MN1: variants seen among roughly 807,000 people sequenced by gnomAD.
MN1 encodes the protein transcriptional activator MN1.
A neutral mutation model predicts 86.9 loss-of-function variants in MN1; 19 were observed. The observed-to-expected ratio is 0.22, with a 90% CI of 0.15 to 0.32. MN1 has a LOEUF of 0.32. MN1 is among the 10% of genes least tolerant of loss of function. The pLI is 1.00. For missense variants in MN1, 1,841 were observed against 1,862.0 expected, an observed-to-expected ratio of 0.99 and a Z score of 0.21; for synonymous variants, 928 against 849.6, an observed-to-expected ratio of 1.09 and a Z score of -1.60.
intron 1 of MN1, among the ~76,000 whole-genome samples, chr22:27,790,183 A>G (rs1933191501): frequency 6.6e-6 from 1 of 152,262 alleles, no homozygotes; most frequent in Admixed American, 6.5e-5. Context: ...TTACATCCCG[A>G]GAACATGATG....
rs1185143796 is a variant in MN1, at chr22:27,798,240, G to A, written c.2304C>T (p.Ser768=). 6.6e-7 allele frequency: 1 copy of A among 1,516,046 alleles called. No individual in the cohort carries two copies. The highest frequency in any genetic ancestry group is 8.8e-7 in the Non-Finnish European group (1 of 1,142,236). 93.9% of individuals were successfully genotyped at this position (1,516,046 alleles called of 1,614,324 possible). Residue 768 remains serine (S), a synonymous_variant, in exon 1 of 2, where the codon AGC becomes AGT. Coordinates refer to ENST00000302326, the MANE Select transcript of MN1 (RefSeq NM_002430.3). ...CAGAGCTGCCACCGCCCCCTCCCGCGCTGGGGGGCGAGTTCACGCCTGGAC... is the reference window on the plus strand; with the variant it reads ...CAGAGCTGCCACCGCCCCCTCCCGCACTGGGGGGCGAGTTCACGCCTGGAC... ...HSGPGVNSPP[S]AGGGGGSSGG...
intron 1 of MN1, among the ~76,000 whole-genome samples, chr22:27,761,894 G>C (rs541568103): frequency 6.6e-6 from 1 of 152,342 alleles, no homozygotes; most frequent in Admixed American, 6.5e-5. Flanking sequence ...CTCCACAGAG[G>C]AGAGGCTGCA....
At chr22:27,794,977 G>A (rs556024678) in intron 1 of MN1, among the ~76,000 whole-genome samples, 1 of 149,856 alleles carries the variant, frequency 6.7e-6, no homozygotes, top group South Asian at 2.1e-4. Flanking sequence ...ACCAGCTATC[G>A]ATCGGGCCAG....
chr22:27,778,609 G>T (rs2073782), intron 1 of MN1, among the ~76,000 whole-genome samples: 1 of 152,216 alleles, frequency 6.6e-6, no homozygotes, highest in African/African-American at 2.4e-5. Context: ...CCACGACCCC[G>T]TTTAACCCAA....
At chr22:27,775,982 G>C (rs1932973518) in intron 1 of MN1, among the ~76,000 whole-genome samples, 1 of 152,212 alleles carries the variant, frequency 6.6e-6, no homozygotes, top group South Asian at 2.1e-4. Context: ...AGACAAACAA[G>C]TTGGGCAGAA....
In MN1 at chr22:27,772,263, G is replaced by A. The variant is rs565391921; in HGVS notation, c.3782-21167C>T. ...CAGCCCTTTTTCACCCCACTGCCTC[G>A]CTGTGTCTCAGCAGAGAAATTGCCC... On this transcript the variant is annotated intron_variant, in intron 1 of 1. Transcript: ENST00000302326. 3.9e-5 allele frequency among the ~76,000 whole-genome samples: 6 copies of A among 152,298 alleles called. 1 individual carries two copies. Among genetic ancestry groups the A allele is most frequent in the East Asian group, 3.9e-4 (2 of 5,164 alleles).
At chr22:27,790,764 T>C in intron 1 of MN1, among the ~76,000 whole-genome samples, 1 of 152,060 alleles carries the variant, frequency 6.6e-6, no homozygotes, top group Non-Finnish European at 1.5e-5. Flanking sequence ...TTAGCTGAAC[T>C]CAGCCAGAGA....
intron 1 of MN1, among the ~76,000 whole-genome samples, chr22:27,789,466 G>A (rs1933182810): frequency 6.6e-6 from 1 of 152,162 alleles, no homozygotes; most frequent in Admixed American, 6.5e-5. Context: ...ATCAAAGATG[G>A]GAATAAGATG....
At chr22:27,791,304 C>T (rs1225509196) in intron 1 of MN1, among the ~76,000 whole-genome samples, 1 of 152,092 alleles carries the variant, frequency 6.6e-6, no homozygotes, top group African/African-American at 2.4e-5. Flanking sequence ...CCAAATGTCC[C>T]TCTTCTCAAT....
intron 1 of MN1, among the ~76,000 whole-genome samples, chr22:27,755,043 A>G (rs1213808684): frequency 1.3e-5 from 2 of 152,188 alleles, no homozygotes; most frequent in Non-Finnish European, 2.9e-5. Context: ...CCCATTTGAC[A>G]GACGAGAAGA....
At chr22:27,787,266 A>G (rs1332922657) in intron 1 of MN1, among the ~76,000 whole-genome samples, 1 of 152,230 alleles carries the variant, frequency 6.6e-6, no homozygotes, top group East Asian at 1.9e-4. Context: ...TAAAAAGCCA[A>G]ATTTTGATCT....
rs879449202 is a variant in MN1, at chr22:27,801,677, G to C, written c.-1134C>G. The stretch of plus-strand genomic sequence containing the variant: ...GCACCCCTCTCCCGACTAGCGGGGG[G>C]GCTCTGCGTGGGGCGTTCCGAGGGT... On this transcript the variant is annotated 5_prime_UTR_variant, in exon 1 of 2. Transcript: ENST00000302326. 6.6e-6 allele frequency among the ~76,000 whole-genome samples: 1 copy of C among 152,166 alleles called. No homozygotes were observed. The highest frequency in any genetic ancestry group is 2.4e-5 in the African/African-American group (1 of 41,462).
rs745361381 is a variant in MN1 at position 27,776,057 on chromosome 22, C to CA, written c.3781+20705dup. Among the ~76,000 whole-genome samples the CA allele has an allele frequency of 2.4e-4, 37 of 152,176 alleles. 1 individual carries two copies. Among genetic ancestry groups the CA allele is most frequent in the South Asian group, 1.0e-3 (5 of 4,826 alleles). On this transcript the variant is annotated intron_variant, in intron 1 of 1. Transcript: ENST00000302326. ...TTCCTTTAGCGGAGTTCAGTTCACC[C>CA]AAAAAAAATTTTTTAAGACCTAGAA...
At chr22:27,783,147 T>C (rs1209867743) in intron 1 of MN1, among the ~76,000 whole-genome samples, 2 of 151,686 alleles carry the variant, frequency 1.3e-5, no homozygotes, top group Non-Finnish European at 2.9e-5. Context: ...TTTTTTTTTT[T>C]TTCTTGAGAC....
In MN1 at chr22:27,795,668, G is replaced by A. The variant is rs1039181411; in HGVS notation, c.3781+1095C>T. 2.6e-5 allele frequency among the ~76,000 whole-genome samples: 4 copies of A among 151,704 alleles called. No homozygotes were observed. In the South Asian group the frequency reaches 8.3e-4, roughly 32 times the overall value. On this transcript the variant is annotated intron_variant, in intron 1 of 1. Transcript: ENST00000302326. ...GTTACCTGATTTTAAGAAGCCATTA[G>A]ATATATATAGATACATATATAGACA...
chr22:27,790,378 T>C (rs1003305776), intron 1 of MN1, among the ~76,000 whole-genome samples: 2 of 152,260 alleles, frequency 1.3e-5, no homozygotes, highest in Admixed American at 6.5e-5. Context: ...CATCGGAAGA[T>C]GGCAGGAAAT....
rs937670060 is a variant in MN1 at position 27,800,940 on chromosome 22, C to T, written c.-397G>A. On this transcript the variant is annotated 5_prime_UTR_variant, in exon 1 of 2. Transcript: ENST00000302326. ...GTTGGGAGAGCAGAGCGATCACCTT[C>T]TCAAGTCCGATTGGGTCTGCTGGGG... 5 of 386,618 alleles carry T rather than the reference C, an allele frequency of 1.3e-5. No individual in the cohort carries two copies. The highest frequency in any genetic ancestry group is 2.1e-5 in the African/African-American group (1 of 48,460). The allele number at this position is 386,618 out of a possible 1,614,324, so 23.9% of individuals were successfully genotyped here.
chr22:27,749,840 T>C lies in MN1; in HGVS notation c.*1075A>G. ...GGGGTTGCCCAGGCTGGACTGGGGATGGAATGGGAGAGGTGGAGGAGATAC... is the reference window on the plus strand; with the variant it reads ...GGGGTTGCCCAGGCTGGACTGGGGACGGAATGGGAGAGGTGGAGGAGATAC... On this transcript the variant is annotated 3_prime_UTR_variant, in exon 2 of 2. Coordinates refer to ENST00000302326, the MANE Select transcript of MN1 (RefSeq NM_002430.3). 1 of 230,638 alleles carries C rather than the reference T, an allele frequency of 4.3e-6. No homozygotes were observed. The highest frequency in any genetic ancestry group is 2.2e-5 in the African/African-American group (1 of 45,224). 14.3% of individuals were successfully genotyped at this position (230,638 alleles called of 1,614,324 possible).
rs1277603568 is a variant in MN1, at chr22:27,799,709, C to A, written c.835G>T (p.Ala279Ser). 1 of 1,566,280 alleles carries A rather than the reference C, an allele frequency of 6.4e-7. No homozygotes were observed. The highest frequency in any genetic ancestry group is 1.9e-5 in the Admixed American group (1 of 53,072). The change falls in exon 1 of 2, where the codon GCT becomes TCT. Residue 279 changes from alanine (A) to serine (S), a missense_variant. Coordinates refer to ENST00000302326, the MANE Select transcript of MN1 (RefSeq NM_002430.3). ...TTGGACAAGCCCACCATGCCCGCAG[C>A]TCTGGGCATGGCCGAGGCGCCCGGG... Reference protein sequence around the residue: ...AFPGASAMPRAAGMVGLSKMH... With the variant: ...AFPGASAMPRSAGMVGLSKMH...
Sources: gnomAD v4.1 joint callset for allele counts (sites outside exome capture counted in the v4.1 genomes callset) on GRCh38, gnomAD v4.1.1 for gene constraint, MANE v1.5 for transcripts, NCBI Gene and HGNC (gene_info 2026-07-23, HGNC 2026-07-21) for gene names.